The following C2CD2 variants were observed in gnomAD, a reference collection of about 807,000 sequenced individuals.
C2CD2 encodes C2 calcium dependent domain containing 2.
A neutral mutation model predicts 74.3 loss-of-function variants in C2CD2; 43 were observed. The observed-to-expected ratio is 0.58, with a 90% CI of 0.45 to 0.75. The LOEUF is 0.75. Among genes scored for constraint, C2CD2 ranks in the 30% least tolerant of loss-of-function variants. The pLI is 0.00. For missense variants in C2CD2, 801 were observed against 916.3 expected (o/e 0.87, Z 1.63); for synonymous variants, 422 against 390.7 (o/e 1.08, Z -0.94).
intron 2 of C2CD2, among the ~76,000 whole-genome samples, chr21:41,934,045 TA>T (rs879852378): frequency 8.6e-4 from 125 of 145,614 alleles, no homozygotes; most frequent in Middle Eastern, 3.5e-3. Context: ...GATAGATGGT[TA>T]AAAAAAAAAA....
At chr21:41,932,290 G>A (rs116569272) in intron 2 of C2CD2, among the ~76,000 whole-genome samples, 4,103 of 149,814 alleles carry the variant, frequency 0.027, 221 homozygotes, top group Middle Eastern at 0.051. Context: ...CCCTCCGCCC[G>A]CCTAAGCATC....
Position 41,948,277 on chromosome 21 carries a change from C to T in C2CD2, c.279+5093G>A, listed in dbSNP as rs117669476. 5.0e-3 allele frequency among the ~76,000 whole-genome samples: 763 copies of T among 152,284 alleles called. 7 individuals are homozygous for T. Among genetic ancestry groups the T allele is most frequent in the Middle Eastern group, 0.017 (5 of 294 alleles). ...ACCCCACTGAGACCAGGGCCTGCCC[C>T]GAGCCGGCTTTGTGCTGGGCACTGG... On this transcript the variant is annotated intron_variant, in intron 1 of 13. Coordinates refer to ENST00000380486, the MANE Select transcript of C2CD2 (RefSeq NM_015500.2).
At chr21:41,893,662 C>T (rs1400611712) in intron 13 of C2CD2, among the ~76,000 whole-genome samples, 1 of 151,526 alleles carries the variant, frequency 6.6e-6, no homozygotes, top group Non-Finnish European at 1.5e-5. Context: ...TCTTCACTCA[C>T]GCTCTCCAGA....
chr21:41,889,199 G>C lies in C2CD2; in HGVS notation c.2016C>G (p.Ile672Met), dbSNP rs780531926. Residue 672 changes from isoleucine to methionine, a missense_variant, in exon 14 of 14, where the codon ATC becomes ATG. By Grantham distance (10) the Ile-to-Met change is conservative (BLOSUM62 1). Coordinates refer to ENST00000380486, the MANE Select transcript of C2CD2 (RefSeq NM_015500.2). ...GCCTGGAGAGCAGCTTCTTGTTCAG[G>C]ATCCTGGTGAGGGTGATGCCTTTCC... ...SRRKGITLTR[I>M]LNKKLLSRHR... 14 of 1,613,400 alleles carry C rather than the reference G, an allele frequency of 8.7e-6. No homozygotes were observed. Among genetic ancestry groups the C allele is most frequent in the Non-Finnish European group, 1.1e-5 (13 of 1,180,040 alleles).
In C2CD2 at chr21:41,912,374, G is replaced by C. The variant is rs376696638; in HGVS notation, c.911C>G (p.Thr304Arg). The change falls in exon 7 of 14, where the codon ACG (threonine) becomes AGG (arginine). Residue 304 changes from threonine (T) to arginine (R), a missense_variant. Transcript: ENST00000380486. ...CCACATGAGGTCCGGAGTGTTTTTCGTCAGGGTGCTGGAGAACCTCTGAAC... is the reference window on the plus strand; with the variant it reads ...CCACATGAGGTCCGGAGTGTTTTTCCTCAGGGTGCTGGAGAACCTCTGAAC... The part of the protein sequence containing the change: ...DPVQRFSSTL[T>R]KNTPDLMWEE... 2.9e-4 allele frequency: 465 copies of C among 1,612,542 alleles called. 6 individuals carry two copies. The South Asian group carries it at 4.7e-3, about 16-fold the overall frequency.
intron 6 of C2CD2, 43 bp from the exon 7 acceptor site, chr21:41,912,483 T>C: frequency 2.3e-6 from 2 of 885,864 alleles, no homozygotes; most frequent in South Asian, 2.7e-5. Flanking sequence ...TTTATTTTTA[T>C]TATTTATTTA....
At chr21:41,920,623 G>A (rs953986182) in intron 3 of C2CD2, among the ~76,000 whole-genome samples, 3 of 152,198 alleles carry the variant, frequency 2.0e-5, no homozygotes, top group Admixed American at 2.0e-4. Context: ...TCTGGTTGGA[G>A]GAACATCAGA....
At chr21:41,909,954 CT>C (rs1449869267) in intron 7 of C2CD2, among the ~76,000 whole-genome samples, 1 of 151,508 alleles carries the variant, frequency 6.6e-6, no homozygotes, top group Non-Finnish European at 1.5e-5. Context: ...CATGATATAC[CT>C]CCCTCCTCCT....
At chr21:41,941,949 T>C (rs1055250787) in intron 2 of C2CD2, among the ~76,000 whole-genome samples, 198 bp downstream of exon 2, 4 of 152,258 alleles carry the variant, frequency 2.6e-5, no homozygotes, top group African/African-American at 4.8e-5. Context: ...CTCGCTCCTT[T>C]TGAAGGCGGA....
intron 13 of C2CD2, among the ~76,000 whole-genome samples, chr21:41,891,442 G>A (rs10427518): frequency 0.012 from 1,857 of 152,334 alleles, 37 homozygotes; most frequent in African/African-American, 0.042. Flanking sequence ...AGATACAGTG[G>A]TGCTGATGTG....
rs539293729 is a variant in C2CD2, at chr21:41,926,390, A to AG, written c.379-4306dup. ...TCAGGGTCTCCACATGGAAAGGCCAAGGGGGGACTCACGGTTGGCAGGTGA... is the reference window on the plus strand; with the variant it reads ...TCAGGGTCTCCACATGGAAAGGCCAAGGGGGGGACTCACGGTTGGCAGGTGA... On this transcript the variant is annotated intron_variant, in intron 2 of 13. Coordinates refer to ENST00000380486, the MANE Select transcript of C2CD2 (RefSeq NM_015500.2). The surrounding 1 kb of genome is among the most constrained non-coding windows in gnomAD (Gnocchi z 8.0). The AG allele has an allele frequency of 4.5e-4, 444 of 979,014 alleles. 4 individuals are homozygous for AG. The South Asian group carries it at 0.017, about 37-fold the overall frequency. 60.6% of individuals were successfully genotyped at this position (979,014 alleles called of 1,614,324 possible).
At chr21:41,909,184 A>T (rs370935212) in intron 8 of C2CD2, among the ~76,000 whole-genome samples, 1 of 152,380 alleles carries the variant, frequency 6.6e-6, no homozygotes, top group South Asian at 2.1e-4. Flanking sequence ...AGGGTTCAGA[A>T]CTACTTCTCT....
intron 1 of C2CD2, 55 bp downstream of exon 1, chr21:41,953,315 C>G: frequency 7.9e-7 from 1 of 1,264,532 alleles, no homozygotes; most frequent in Non-Finnish European, 1.0e-6. Flanking sequence ...GACCTCGGCC[C>G]GGACCGCCCG....
intron 2 of C2CD2, among the ~76,000 whole-genome samples, chr21:41,935,229 G>T (rs1200079892): frequency 6.6e-6 from 1 of 152,094 alleles, no homozygotes; most frequent in Admixed American, 6.6e-5. Flanking sequence ...AATTTTAGGG[G>T]AATTTTAGTA....
intron 2 of C2CD2, among the ~76,000 whole-genome samples, chr21:41,937,944 C>T (rs958019707): frequency 9.2e-5 from 14 of 152,084 alleles, no homozygotes; most frequent in Non-Finnish European, 2.1e-4. Flanking sequence ...GGTTACCAGA[C>T]GCTGGGGAGT....
intron 7 of C2CD2, 150 bp from the exon 8 acceptor site, chr21:41,909,673 G>A: frequency 1.5e-6 from 1 of 664,948 alleles, no homozygotes; most frequent in South Asian, 1.7e-5. Flanking sequence ...AAGGGAAAGA[G>A]TTATCTGCAA....
intron 2 of C2CD2, among the ~76,000 whole-genome samples, chr21:41,940,905 C>G (rs955701723): frequency 1.1e-3 from 170 of 152,174 alleles, no homozygotes; most frequent in Middle Eastern, 6.8e-3. Flanking sequence ...TTTGGATTTG[C>G]TAGTTATGCT....
At chr21:41,901,777 C>A in intron 11 of C2CD2, 28 bp from the exon 12 acceptor site, 1 of 1,609,416 alleles carries the variant, frequency 6.2e-7, no homozygotes, top group South Asian at 1.1e-5. Context: ...GTGTTAAGTT[C>A]ATCAGCAAAA....
chr21:41,901,707 G>T lies in C2CD2; in HGVS notation c.1475C>A (p.Ala492Asp). 6.2e-7 allele frequency: 1 copy of T among 1,613,694 alleles called. No individual in the cohort carries two copies. The highest frequency in any genetic ancestry group is 2.2e-5 in the East Asian group (1 of 44,894). Residue 492 changes from alanine (A) to aspartate (D), a missense_variant, in exon 12 of 14, where the codon GCC (alanine) becomes GAC (aspartate). Ala to Asp is a moderately radical substitution (Grantham distance 126). Coordinates refer to ENST00000380486, the MANE Select transcript of C2CD2 (RefSeq NM_015500.2). ...TGAAGATTCACTGAGCTGTCGAATG[G>T]CCACTTCAGCCACTGGATCCGAACC... Reference protein sequence around the residue: ...LNGSDPVAEVAIRQLSESSKL... With the variant: ...LNGSDPVAEVDIRQLSESSKL...
Sources: gnomAD v4.1 joint callset for allele counts (sites outside exome capture counted in the v4.1 genomes callset) on GRCh38, gnomAD v4.1.1 for gene constraint, Gnocchi (gnomAD v3.1) non-coding constraint, MANE v1.5 for transcripts, NCBI Gene and HGNC (gene_info 2026-07-23, HGNC 2026-07-21) for gene names.